Variants in IGFN1 observed in about 807,000 individuals in gnomAD.
IGFN1 encodes immunoglobulin-like and fibronectin type III domain-containing protein 1.
Under a neutral mutation model 289.5 loss-of-function variants are expected in IGFN1, and 253 were observed. That is an observed-to-expected ratio of 0.87 (90% CI 0.79 to 0.97). The LOEUF (loss-of-function observed/expected upper bound fraction) is 0.97, where lower values mean the gene tolerates loss of function less well. Among genes scored for constraint, IGFN1 ranks in the 50% least tolerant of loss-of-function variants. The pLI is 0.00. For synonymous variants in IGFN1, 1,706 were observed against 1,788.5 expected, an observed-to-expected ratio of 0.95 and a Z score of 1.16; for missense variants, 4,470 against 4,686.1, an observed-to-expected ratio of 0.95 and a Z score of 1.35.
Position 201,200,364 on chromosome 1 carries a change from CGCAGGCT to C in IGFN1, c.592_598del (p.Leu198ArgfsTer2). 6.4e-7 allele frequency: 1 copy of C among 1,551,764 alleles called. No individual in the cohort carries two copies. Among genetic ancestry groups the C allele is most frequent in the Non-Finnish European group, 8.7e-7 (1 of 1,147,006 alleles). On this transcript the variant is annotated frameshift_variant, in exon 8 of 24. Coordinates refer to ENST00000335211, the MANE Select transcript of IGFN1 (RefSeq NM_001164586.2). LOFTEE classifies it high-confidence loss of function. ...CATCGTCGACTACCGTGGCATGTTGCGCAGGCTGCAGGAGATGAAGAAGGAACAGGAG... is the reference window on the plus strand; with the variant it reads ...CATCGTCGACTACCGTGGCATGTTGCGCAGGAGATGAAGAAGGAACAGGAG...
In IGFN1 at chr1:201,218,522, G is replaced by C. The variant is rs369811563; in HGVS notation, c.9770-8G>C. The stretch of plus-strand genomic sequence containing the variant: ...AGGGTGGGACTCACATGGGCGGGCT[G>C]TTCACAGAGAGGAGGTGGACGGTGG... On this transcript the variant is annotated splice_region_variant and splice_polypyrimidine_tract_variant and intron_variant, in intron 17 of 23. Coordinates refer to ENST00000335211, the MANE Select transcript of IGFN1 (RefSeq NM_001164586.2). 5 of 1,610,910 alleles carry C rather than the reference G, an allele frequency of 3.1e-6. No homozygotes were observed. Among genetic ancestry groups the C allele is most frequent in the East Asian group, 2.2e-5 (1 of 44,880 alleles).
chr1:201,221,102 C>T (rs1029882491), intron 18 of IGFN1, among the ~76,000 whole-genome samples: 1 of 152,098 alleles, frequency 6.6e-6, no homozygotes, highest in Non-Finnish European at 1.5e-5. Context: ...TCTAGTCATA[C>T]GGGATAATGG....
At chr1:201,191,901 C>A (rs1294230993) in intron 1 of IGFN1, among the ~76,000 whole-genome samples, 4 of 149,218 alleles carry the variant, frequency 2.7e-5, no homozygotes, top group African/African-American at 4.9e-5. Flanking sequence ...ACTCAGATAG[C>A]TGTGTTGAAC....
Position 201,206,743 on chromosome 1 carries a change from C to T in IGFN1, c.1850C>T (p.Pro617Leu). 2.0e-6 allele frequency: 3 copies of T among 1,536,830 alleles called. No individual in the cohort carries two copies. The highest frequency in any genetic ancestry group is 1.2e-5 in the South Asian group (1 of 84,056). ...GACCTGCAGGGATGCCAGTCTGATC[C>T]TGTAGGGTCCTGGCCAAGAGGAAAG... The part of the protein sequence containing the change: ...KSDLQGCQSD[P>L]VGSWPRGKQI... The change falls in exon 12 of 24, where the codon CCT (proline) becomes CTT (leucine). Residue 617 changes from proline to leucine, a missense_variant. Pro to Leu is a moderately conservative substitution (Grantham distance 98, BLOSUM62 -3). Coordinates refer to ENST00000335211, the MANE Select transcript of IGFN1 (RefSeq NM_001164586.2).
At position 201,213,474 on chromosome 1, in the gene IGFN1, C is replaced by T; in HGVS notation, c.8581C>T (p.Gln2861Ter). The stretch of plus-strand genomic sequence containing the variant: ...CCTGGAGGAGATGCTGAATGAAGAT[C>T]AGAGCCGGGAGCCCCCTGGTCACCT... ...GCLEEMLNEDQSREPPGHLGS... is the reference protein window; with the variant it reads ...GCLEEMLNED The change falls in exon 12 of 24, where the codon CAG becomes TAG. Residue 2861 changes from glutamine (Q) to a stop codon, truncating the protein, a stop_gained. Transcript: ENST00000335211. LOFTEE classifies it high-confidence loss of function. 6.2e-7 allele frequency: 1 copy of T among 1,614,010 alleles called. No individual in the cohort carries two copies. Among genetic ancestry groups the T allele is most frequent in the Non-Finnish European group, 8.5e-7 (1 of 1,179,944 alleles).
In IGFN1 at chr1:201,224,069, C is replaced by T. The variant is rs181377789; in HGVS notation, c.10291-610C>T. On this transcript the variant is annotated intron_variant, in intron 20 of 23. Coordinates refer to ENST00000335211, the MANE Select transcript of IGFN1 (RefSeq NM_001164586.2). The stretch of plus-strand genomic sequence containing the variant: ...GTCAGTTAGTGACTATCAGCATCTT[C>T]GTTTGACTCTGGTGCCCACCGTGCC... Among the ~76,000 whole-genome samples the T allele has an allele frequency of 5.9e-5, 9 of 152,304 alleles. 1 individual carries two copies. The East Asian group carries it at 9.7e-4, about 16-fold the overall frequency.
Position 201,216,540 on chromosome 1 carries a change from A to T in IGFN1, c.9382A>T (p.Asn3128Tyr), listed in dbSNP as rs757265043. 9.3e-6 allele frequency: 15 copies of T among 1,612,942 alleles called. No homozygotes were observed. The highest frequency in any genetic ancestry group is 8.3e-5 in the Admixed American group (5 of 59,980). The change falls in exon 16 of 24, where the codon AAT (asparagine) becomes TAT (tyrosine). Residue 3128 changes from asparagine (N) to tyrosine (Y), a missense_variant. Physicochemically the swap from Asn to Tyr is moderately radical, Grantham distance 143 (BLOSUM62 -2). Coordinates refer to ENST00000335211, the MANE Select transcript of IGFN1 (RefSeq NM_001164586.2). ...VCLRWRPPRDNGGRTVECYVV... is the reference protein window; with the variant it reads ...VCLRWRPPRDYGGRTVECYVV... ...CCTCCGCTGGCGGCCCCCAAGGGAC[A>T]ATGGGGGCCGGACTGTAGAGTGCTA...
intron 9 of IGFN1, 113 bp from the exon 10 acceptor site, chr1:201,203,625 G>A (rs1400329952): frequency 2.1e-6 from 2 of 938,870 alleles, no homozygotes; most frequent in African/African-American, 1.7e-5. Context: ...GGAATCTGTT[G>A]TCTGGCGACT....
rs1237817811 is a variant in IGFN1 at position 201,208,442 on chromosome 1, G to A, written c.3549G>A (p.Arg1183=). ...AKASGAGAGY[R]DDTRHPESLA... ...CCTCTGGAGCTGGAGCTGGTTATAG[G>A]GATGATACCAGGCACCCTGAGTCAC... The change falls in exon 12 of 24, where the codon AGG becomes AGA. Residue 1183 remains arginine (R), a synonymous_variant. Coordinates refer to ENST00000335211, the MANE Select transcript of IGFN1 (RefSeq NM_001164586.2). The A allele has an allele frequency of 6.9e-7, 1 of 1,446,664 alleles. No individual in the cohort carries two copies. The highest frequency in any genetic ancestry group is 9.0e-7 in the Non-Finnish European group (1 of 1,107,104). The allele number at this position is 1,446,664 out of a possible 1,614,324, so 89.6% of individuals were successfully genotyped here.
Position 201,208,166 on chromosome 1 carries a change from C to T in IGFN1, c.3273C>T (p.Leu1091=). 1 of 1,536,898 alleles carries T rather than the reference C, an allele frequency of 6.5e-7. No individual in the cohort carries two copies. The highest frequency in any genetic ancestry group is 2.4e-5 in the East Asian group (1 of 40,892). ...CAGGGTCTGCGGGTAGAGGTGGTCT[C>T]AAGGCCCCTGGAGTAGTGGAGACTG... The part of the protein sequence containing the change: ...GVTGSAGRGG[L]KAPGVVETVG... The change falls in exon 12 of 24, where the codon CTC becomes CTT. Residue 1091 remains leucine, a synonymous_variant. Transcript: ENST00000335211.
intron 5 of IGFN1, 76 bp from the exon 6 acceptor site, chr1:201,199,258 G>A: frequency 7.8e-7 from 1 of 1,289,460 alleles, no homozygotes; most frequent in Non-Finnish European, 1.1e-6. Flanking sequence ...AGTTTCTCAG[G>A]AAGACCATCA....
At chr1:201,192,542 C>T (rs181518515) in intron 1 of IGFN1, among the ~76,000 whole-genome samples, 5 of 152,292 alleles carry the variant, frequency 3.3e-5, no homozygotes, top group African/African-American at 1.2e-4. Context: ...CTCCTATTCA[C>T]CTGACACTAT....
In IGFN1 at chr1:201,207,244, G is replaced by A. The variant is rs1347727777; in HGVS notation, c.2351G>A (p.Cys784Tyr). 2 of 1,536,676 alleles carry A rather than the reference G, an allele frequency of 1.3e-6. No homozygotes were observed. Among genetic ancestry groups the A allele is most frequent in the East Asian group, 4.9e-5 (2 of 40,926 alleles). The change falls in exon 12 of 24, where the codon TGC (cysteine) becomes TAC (tyrosine). Residue 784 changes from cysteine (C) to tyrosine (Y), a missense_variant. Physicochemically the swap from Cys to Tyr is radical, Grantham distance 194. Around this residue, in one of 8 missense-constraint regions of IGFN1, gnomAD observed 2,011 missense variants for 1,953.4 expected, o/e 1.03. Transcript: ENST00000335211. ...GGAGGCCCAGGAGACCCCAGAGGCTGCGAAGGTGTCCTACAGGAGCTCAGG... is the reference window on the plus strand; with the variant it reads ...GGAGGCCCAGGAGACCCCAGAGGCTACGAAGGTGTCCTACAGGAGCTCAGG... Reference protein sequence around the residue: ...GPGGPGDPRGCEGVLQELRGR... With the variant: ...GPGGPGDPRGYEGVLQELRGR...
rs145233714 is a variant in IGFN1, at chr1:201,211,793, C to G, written c.6900C>G (p.Ser2300Arg). ...GTTCTGGGAGGAATCCATTAGGGAG[C>G]GAGGCAGGTTCTAGGGGTAGTTTGG... ...LGGSGRNPLG[S>R]EAGSRGSLED... The change falls in exon 12 of 24, where the codon AGC becomes AGG. Residue 2300 changes from serine (S) to arginine (R), a missense_variant. Coordinates refer to ENST00000335211, the MANE Select transcript of IGFN1 (RefSeq NM_001164586.2). 3 of 1,536,532 alleles carry G rather than the reference C, an allele frequency of 2.0e-6. No individual in the cohort carries two copies. In the South Asian group the frequency reaches 3.6e-5, roughly 18 times the overall value.
Position 201,212,961 on chromosome 1 carries a change from T to G in IGFN1, c.8068T>G (p.Trp2690Gly), listed in dbSNP as rs1284203464. Reference sequence around the variant, plus strand: ...GGCGGCTGGTGGATGCCGAAGCCCATGGTCCCTGGATAGCAAAGGTTCAAG... The same window carrying G: ...GGCGGCTGGTGGATGCCGAAGCCCAGGGTCCCTGGATAGCAAAGGTTCAAG... ...QEAAGGCRSP[W>G]SLDSKGSSPG... The change falls in exon 12 of 24, where the codon TGG becomes GGG. Residue 2690 changes from tryptophan (W) to glycine (G), a missense_variant. This residue lies in a region of IGFN1 where 2,218 missense variants were observed against 2,114.1 expected (regional missense o/e 1.05). Transcript: ENST00000335211. The G allele has an allele frequency of 6.4e-7, 1 of 1,551,444 alleles. No homozygotes were observed. Among genetic ancestry groups the G allele is most frequent in the African/African-American group, 1.4e-5 (1 of 73,142 alleles).
intron 18 of IGFN1, among the ~76,000 whole-genome samples, chr1:201,220,138 T>C (rs1373886341): frequency 6.8e-6 from 1 of 147,504 alleles, no homozygotes; most frequent in Non-Finnish European, 1.5e-5. Flanking sequence ...TTTCTTTCTC[T>C]CTCTCCCCCT....
In IGFN1 at chr1:201,226,632, C is replaced by T. The variant is rs535864318; in HGVS notation, c.10787-250C>T. On this transcript the variant is annotated intron_variant, in intron 22 of 23. Coordinates refer to ENST00000335211, the MANE Select transcript of IGFN1 (RefSeq NM_001164586.2). ...TTATGATTTGGTTTTTATTCTTTCT[C>T]CTTTGATTCTCTGTGTATTCTAATT... is the stretch of plus-strand genomic sequence containing the variant. Among the ~76,000 whole-genome samples, 20 of 152,208 alleles carry T rather than the reference C, an allele frequency of 1.3e-4. No homozygotes were observed. In the South Asian group the frequency reaches 4.1e-3, roughly 32 times the overall value.
chr1:201,205,086 C>T lies in IGFN1; in HGVS notation c.921C>T (p.Ile307=), dbSNP rs866843664. The T allele has an allele frequency of 6.5e-7, 1 of 1,537,176 alleles. No individual in the cohort carries two copies. The highest frequency in any genetic ancestry group is 1.7e-4 in the Middle Eastern group (1 of 5,936). The stretch of plus-strand genomic sequence containing the variant: ...CCATTCCTATTTCCCCGGCAGCCAT[C>T]CCCCCAAGAGTGGTGGTCCCACTGG... ...VFSTELEASA[I]PPRVVVPLAE... Residue 307 remains isoleucine (I), a synonymous_variant, in exon 11 of 24, where the codon ATC becomes ATT. Coordinates refer to ENST00000335211, the MANE Select transcript of IGFN1 (RefSeq NM_001164586.2).
chr1:201,227,661 C>T (rs1211870696), intron 23 of IGFN1, among the ~76,000 whole-genome samples: 2 of 152,024 alleles, frequency 1.3e-5, no homozygotes, highest in Non-Finnish European at 2.9e-5. Context: ...AACTCCTGAC[C>T]TCAGGTGATC....
Sources: gnomAD v4.1 joint callset for allele counts (sites outside exome capture counted in the v4.1 genomes callset) on GRCh38, gnomAD v4.1.1 for gene constraint, gnomAD v4.1.1 regional missense constraint, MANE v1.5 for transcripts, NCBI Gene and HGNC (gene_info 2026-07-23, HGNC 2026-07-21) for gene names.